The following LIMK2 variants were observed in gnomAD, a reference collection of about 807,000 sequenced individuals.
LIMK2 encodes the protein LIM domain kinase 2.
A neutral mutation model predicts 75.7 loss-of-function variants in LIMK2; 35 were observed. The observed-to-expected ratio is 0.46, with a 90% CI of 0.35 to 0.61. LIMK2 has a LOEUF of 0.61. Among genes scored for constraint, LIMK2 ranks in the 20% least tolerant of loss-of-function variants. LIMK2 has a pLI of 0.00. For synonymous variants in LIMK2, 301 were observed against 319.2 expected (o/e 0.94, Z 0.61); for missense variants, 623 against 831.0 (o/e 0.75, Z 3.08).
intron 2 of LIMK2, among the ~76,000 whole-genome samples, chr22:31,238,548 A>C (rs935169682): frequency 3.3e-5 from 5 of 152,210 alleles, no homozygotes; most frequent in African/African-American, 1.2e-4. Context: ...TAGGAAGGTC[A>C]AAAACCTGAA....
intron 2 of LIMK2, among the ~76,000 whole-genome samples, chr22:31,251,267 G>C (rs2048723024): frequency 6.6e-6 from 1 of 152,150 alleles, no homozygotes; most frequent in Non-Finnish European, 1.5e-5. Context: ...TAATGAGCTT[G>C]GGTTTACACA....
intron 15 of LIMK2, chr22:31,277,624 T>C (rs558265534): frequency 1.2e-6 from 1 of 826,382 alleles, no homozygotes; most frequent in South Asian, 5.4e-5. Flanking sequence ...TATTAAAAAA[T>C]ATATATATAC....
At chr22:31,215,844 T>C (rs911355301) in intron 1 of LIMK2, among the ~76,000 whole-genome samples, 3 of 152,200 alleles carry the variant, frequency 2.0e-5, no homozygotes, top group African/African-American at 2.4e-5. Flanking sequence ...CAAGCTGTTA[T>C]AAGGCTTGCG....
intron 2 of LIMK2, among the ~76,000 whole-genome samples, chr22:31,244,406 G>A (rs1440179832): frequency 2.0e-5 from 3 of 152,136 alleles, no homozygotes; most frequent in African/African-American, 4.8e-5. Flanking sequence ...TAGATTTTTG[G>A]TGAGAAATAG....
chr22:31,240,657 T>G (rs1179721040), intron 2 of LIMK2, among the ~76,000 whole-genome samples: 1 of 152,066 alleles, frequency 6.6e-6, no homozygotes, highest in Non-Finnish European at 1.5e-5. Context: ...CTCCTGACTT[T>G]GTGATCTGCC....
chr22:31,255,735 G>C (rs5753526), intron 2 of LIMK2, among the ~76,000 whole-genome samples: 6,806 of 152,220 alleles, frequency 0.045, 567 homozygotes, highest in East Asian at 0.37. Flanking sequence ...TATATCTGCA[G>C]TGCTTAGCAA....
chr22:31,250,946 C>T lies in LIMK2; in HGVS notation c.117-7345C>T, dbSNP rs910281248. On this transcript the variant is annotated intron_variant, in intron 2 of 15. Transcript: ENST00000331728. ...GGGGCTGTGGTTGCAAGGAAAGTGA[C>T]GCAACCAGATTCCATGGGGACATGA... Among the ~76,000 whole-genome samples the T allele has an allele frequency of 1.3e-4, 20 of 152,122 alleles. 1 individual carries two copies. The highest frequency in any genetic ancestry group is 3.9e-4 in the African/African-American group (16 of 41,408).
At chr22:31,225,541 G>C (rs532314053) in intron 1 of LIMK2, among the ~76,000 whole-genome samples, 179 bp from the exon 2 acceptor site, 77 of 152,362 alleles carry the variant, frequency 5.1e-4, no homozygotes, top group African/African-American at 1.9e-3. Context: ...GAGATGAGCA[G>C]AGGTTGGACA....
chr22:31,276,463 A>T (rs954740457), intron 15 of LIMK2, among the ~76,000 whole-genome samples: 1 of 138,300 alleles, frequency 7.2e-6, no homozygotes, highest in African/African-American at 2.5e-5. Flanking sequence ...CGGCGGCGGC[A>T]GCCCCGGCGG....
chr22:31,272,153 C>T (rs1274964194), intron 12 of LIMK2, among the ~76,000 whole-genome samples: 5 of 152,050 alleles, frequency 3.3e-5, no homozygotes, highest in African/African-American at 9.7e-5. Flanking sequence ...CTCTACCTCC[C>T]GGGTTCTAGT....
At position 31,259,123 on chromosome 22, in the gene LIMK2, G is replaced by T. The variant is rs77289892; in HGVS notation, c.255G>T (p.Val85=). The T allele has an allele frequency of 9.4e-6, 15 of 1,599,812 alleles. No homozygotes were observed. The highest frequency in any genetic ancestry group is 1.3e-5 in the Non-Finnish European group (15 of 1,167,112). Residue 85 remains valine, a splice_region_variant and synonymous_variant, in exon 4 of 16, where the codon GTG becomes GTT. Coordinates refer to ENST00000331728, the MANE Select transcript of LIMK2 (RefSeq NM_005569.4). ...CSLLMTGPFM[V]AGEFKYHPEC... ...CCCTTCTCCCCACCTGCTCACAGGT[G>T]GCTGGGGAGTTCAAGTACCACCCAG...
chr22:31,259,458 C>T (rs1463558212), intron 4 of LIMK2, among the ~76,000 whole-genome samples: 1 of 152,170 alleles, frequency 6.6e-6, no homozygotes, highest in East Asian at 1.9e-4. Context: ...GCCCTGCAAT[C>T]CTCCCAGTGG....
At chr22:31,256,263 C>T (rs1338417048) in intron 2 of LIMK2, among the ~76,000 whole-genome samples, 1 of 149,972 alleles carries the variant, frequency 6.7e-6, no homozygotes, top group Non-Finnish European at 1.5e-5. Flanking sequence ...TCCCAAAGTG[C>T]TGGGATTACA....
intron 2 of LIMK2, 117 bp from the exon 3 acceptor site, chr22:31,258,174 T>C (rs1014945633): frequency 8.5e-5 from 94 of 1,112,066 alleles, no homozygotes; most frequent in Non-Finnish European, 1.1e-4. Context: ...TTGCCCCATC[T>C]TGGCTTTGGA....
intron 2 of LIMK2, among the ~76,000 whole-genome samples, chr22:31,247,034 T>G (rs2095475450): frequency 6.6e-6 from 1 of 152,214 alleles, no homozygotes; most frequent in African/African-American, 2.4e-5. Context: ...TGTGTCCAGT[T>G]GGTGGAATGG....
intron 2 of LIMK2, among the ~76,000 whole-genome samples, chr22:31,234,448 C>T (rs576519789): frequency 1.3e-4 from 19 of 151,710 alleles, no homozygotes; most frequent in South Asian, 1.0e-3. Context: ...CTTGGCCAGG[C>T]GCGGTGGCTC....
intron 13 of LIMK2, 42 bp from the exon 14 acceptor site, chr22:31,273,410 A>C: frequency 6.4e-7 from 1 of 1,560,150 alleles, no homozygotes. Context: ...AGAGCAGGTA[A>C]GGGATGTAAA....
chr22:31,261,945 G>C (rs2048844517), intron 5 of LIMK2, among the ~76,000 whole-genome samples, 189 bp from the exon 6 acceptor site: 1 of 152,258 alleles, frequency 6.6e-6, no homozygotes, highest in South Asian at 2.1e-4. Context: ...TTAGGCCACA[G>C]GGTGAGTGGC....
At chr22:31,227,480 CA>C (rs546637162) in intron 2 of LIMK2, among the ~76,000 whole-genome samples, 25 of 152,250 alleles carry the variant, frequency 1.6e-4, no homozygotes, top group Non-Finnish European at 3.1e-4. Context: ...CCTTTCCTTT[CA>C]GCTATAACTC....
Sources: gnomAD v4.1 joint callset for allele counts (sites outside exome capture counted in the v4.1 genomes callset) on GRCh38, gnomAD v4.1.1 for gene constraint, MANE v1.5 for transcripts, NCBI Gene and HGNC (gene_info 2026-07-23, HGNC 2026-07-21) for gene names.